GLYR1: variants seen among roughly 807,000 people sequenced by gnomAD.
GLYR1 encodes the protein glyoxylate reductase 1 homolog.
In GLYR1, 21 loss-of-function variants were observed where a neutral mutation model predicts 72.7. That is an observed-to-expected ratio of 0.29 (90% CI 0.20 to 0.42). The LOEUF is 0.42. Ranked by LOEUF, GLYR1 falls within the 10% of genes least tolerant of loss-of-function variation. The probability of loss-of-function intolerance (pLI) is 1.00; values close to 1 mark genes in which losing one functional copy is unlikely to be tolerated. For synonymous variants in GLYR1, 392 were observed against 270.2 expected, an observed-to-expected ratio of 1.45 and a Z score of -4.42; for missense variants, 594 against 712.1, an observed-to-expected ratio of 0.83 and a Z score of 1.89.
intron 10 of GLYR1, among the ~76,000 whole-genome samples, chr16:4,816,147 T>G (rs535313934): frequency 1.3e-5 from 2 of 152,288 alleles, no homozygotes; most frequent in African/African-American, 4.8e-5. Context: ...GCCATTTTTT[T>G]GTCCTTTTTC....
intron 15 of GLYR1, among the ~76,000 whole-genome samples, chr16:4,809,675 G>A (rs1267149826): frequency 6.7e-6 from 1 of 150,158 alleles, no homozygotes; most frequent in Non-Finnish European, 1.5e-5. Flanking sequence ...TGTCATCCCA[G>A]CACTTTGGGA....
At chr16:4,815,061 T>C (rs17137291) in intron 10 of GLYR1, among the ~76,000 whole-genome samples, 3,476 of 152,264 alleles carry the variant, frequency 0.023, 134 homozygotes, top group African/African-American at 0.079. Context: ...CTCAACACTG[T>C]TGTCAGGTTA....
chr16:4,816,728 G>A lies in GLYR1; in HGVS notation c.906+870C>T, dbSNP rs553766011. 3.9e-5 allele frequency among the ~76,000 whole-genome samples: 6 copies of A among 152,102 alleles called. No individual in the cohort carries two copies. In the East Asian group the frequency reaches 5.9e-4, roughly 15 times the overall value. On this transcript the variant is annotated intron_variant, in intron 10 of 15. Coordinates refer to ENST00000321919, the MANE Select transcript of GLYR1 (RefSeq NM_032569.4). ...GGGCCAGGCACAGTGGCTCACACCC[G>A]TAATCCCAGTATTTTGGGAGGCCAA...
At chr16:4,811,474 A>C (rs544498570) in intron 14 of GLYR1, 149 bp downstream of exon 14, 35 of 1,247,388 alleles carry the variant, frequency 2.8e-5, no homozygotes, top group African/African-American at 2.1e-4. Context: ...CTATATCCCC[A>C]AATCCCGCCC....
chr16:4,814,773 T>C (rs2083531079), intron 10 of GLYR1, 126 bp from the exon 11 acceptor site: 2 of 736,162 alleles, frequency 2.7e-6, no homozygotes, highest in African/African-American at 3.5e-5. Flanking sequence ...GCCGGGAGCC[T>C]GGGTCATGGA....
chr16:4,834,106 C>T (rs1035232867), intron 3 of GLYR1, among the ~76,000 whole-genome samples: 2 of 152,146 alleles, frequency 1.3e-5, no homozygotes, highest in Non-Finnish European at 2.9e-5. Context: ...GCTACCTGGA[C>T]TTTGAGTGTG....
intron 3 of GLYR1, among the ~76,000 whole-genome samples, chr16:4,836,154 C>T (rs554227020): frequency 6.6e-6 from 1 of 152,198 alleles, no homozygotes; most frequent in Admixed American, 6.5e-5. Flanking sequence ...AACAATGCAC[C>T]ACTGTCTAAT....
chr16:4,812,035 CAG>C, intron 13 of GLYR1, 49 bp downstream of exon 13: 1 of 1,582,660 alleles, frequency 6.3e-7, no homozygotes. Flanking sequence ...CAGTGTGAAA[CAG>C]AGGAGATGTG....
intron 15 of GLYR1, among the ~76,000 whole-genome samples, chr16:4,809,800 T>C (rs2083222075): frequency 6.6e-6 from 1 of 151,712 alleles, no homozygotes; most frequent in African/African-American, 2.4e-5. Flanking sequence ...GGTGTGTGCC[T>C]GTAATCCCAG....
intron 10 of GLYR1, among the ~76,000 whole-genome samples, chr16:4,814,919 G>T (rs2083542498): frequency 6.6e-6 from 1 of 152,158 alleles, no homozygotes; most frequent in Non-Finnish European, 1.5e-5. Flanking sequence ...AATGGGGTAT[G>T]AACAGTAGCA....
chr16:4,823,644 C>T (rs1290149718), intron 6 of GLYR1, among the ~76,000 whole-genome samples, 177 bp downstream of exon 6: 1 of 151,694 alleles, frequency 6.6e-6, no homozygotes, highest in Non-Finnish European at 1.5e-5. Context: ...CCTCGAGCCT[C>T]ACAGTGCTCA....
chr16:4,827,572 A>G (rs2084467232), intron 5 of GLYR1, among the ~76,000 whole-genome samples: 1 of 151,238 alleles, frequency 6.6e-6, no homozygotes, highest in African/African-American at 2.4e-5. Context: ...TGTGCTTTGT[A>G]GGTGTTGCAC....
intron 5 of GLYR1, among the ~76,000 whole-genome samples, chr16:4,825,656 C>CTT (rs34529919): frequency 1.4e-5 from 2 of 147,120 alleles, no homozygotes; most frequent in African/African-American, 2.5e-5. Context: ...TTATCATCTT[C>CTT]TTTTTTTTTT....
chr16:4,845,122 G>A lies in GLYR1; in HGVS notation c.107C>T (p.Pro36Leu), dbSNP rs574241278. 1 of 1,614,100 alleles carries A rather than the reference G, an allele frequency of 6.2e-7. No individual in the cohort carries two copies. The highest frequency in any genetic ancestry group is 1.3e-5 in the African/African-American group (1 of 75,042). Residue 36 changes from proline to leucine, a missense_variant, in exon 3 of 16, where the codon CCT (proline) becomes CTT (leucine). Pro to Leu is a moderately conservative substitution (Grantham distance 98). Coordinates refer to ENST00000321919, the MANE Select transcript of GLYR1 (RefSeq NM_032569.4). Reference sequence around the variant, plus strand: ...CACAAAGAAGCATTTCTTTCCGCGAGGTTTCTTCAAGTCCTTTGGTGGATT... The same window carrying A: ...CACAAAGAAGCATTTCTTTCCGCGAAGTTTCTTCAAGTCCTTTGGTGGATT... ...IVNPPKDLKK[P>L]RGKKCFFVKF...
chr16:4,837,531 T>C (rs12444590), intron 3 of GLYR1, among the ~76,000 whole-genome samples: 279 of 151,734 alleles, frequency 1.8e-3, no homozygotes, highest in Non-Finnish European at 3.2e-3. Context: ...AGCCTTCACA[T>C]AGACAGGTGA....
intron 3 of GLYR1, among the ~76,000 whole-genome samples, chr16:4,838,623 G>C (rs1304831795): frequency 6.7e-6 from 1 of 150,070 alleles, no homozygotes; most frequent in Non-Finnish European, 1.5e-5. Flanking sequence ...GTCTCACTCT[G>C]TTGCCCAGGC....
At chr16:4,838,533 A>C (rs2085313965) in intron 3 of GLYR1, among the ~76,000 whole-genome samples, 1 of 152,014 alleles carries the variant, frequency 6.6e-6, no homozygotes, top group African/African-American at 2.4e-5. Flanking sequence ...AAGCACCTGT[A>C]ATTTAAATGA....
At chr16:4,812,693 A>G (rs529252803) in intron 12 of GLYR1, among the ~76,000 whole-genome samples, 205 of 150,824 alleles carry the variant, frequency 1.4e-3, no homozygotes, top group Non-Finnish European at 2.6e-3. Context: ...AGGTTTCACC[A>G]TATTAGCCAG....
intron 1 of GLYR1, chr16:4,846,736 C>T (rs376882022): frequency 8.9e-6 from 2 of 224,306 alleles, no homozygotes; most frequent in East Asian, 1.4e-4. Context: ...GAAGTCCCCC[C>T]GCCGTTTCTT....
Sources: allele counts gnomAD v4.1 joint callset (sites outside exome capture counted in the v4.1 genomes callset), GRCh38; gene constraint gnomAD v4.1.1; transcripts MANE v1.5; gene names NCBI Gene and HGNC (gene_info 2026-07-23, HGNC 2026-07-21).